BBX: variants seen among roughly 807,000 people sequenced by gnomAD.
BBX encodes HMG box transcription factor BBX.
Under a neutral mutation model 100.2 loss-of-function variants are expected in BBX, and 30 were observed. That is an observed-to-expected ratio of 0.30 (90% CI 0.22 to 0.41). The LOEUF (loss-of-function observed/expected upper bound fraction) is 0.41, where lower values mean the gene tolerates loss of function less well. Ranked by LOEUF, BBX falls within the 10% of genes least tolerant of loss-of-function variation. BBX has a pLI of 1.00. For synonymous variants in BBX, 376 were observed against 388.1 expected, an observed-to-expected ratio of 0.97 and a Z score of 0.37; for missense variants, 1,023 against 1,129.8, an observed-to-expected ratio of 0.91 and a Z score of 1.35.
chr3:107,745,826 C>A (rs2064539957), intron 8 of BBX, among the ~76,000 whole-genome samples: 1 of 152,030 alleles, frequency 6.6e-6, no homozygotes, highest in Non-Finnish European at 1.5e-5. Context: ...AGCAGAACGG[C>A]TTAAGAGATG....
chr3:107,580,476 CAA>C (rs2052189330), intron 2 of BBX, among the ~76,000 whole-genome samples: 1 of 151,988 alleles, frequency 6.6e-6, no homozygotes, highest in Non-Finnish European at 1.5e-5. Flanking sequence ...GATTCCAAAA[CAA>C]AATTTCTATT....
At chr3:107,545,474 A>T (rs1310863076) in intron 2 of BBX, among the ~76,000 whole-genome samples, 1 of 152,186 alleles carries the variant, frequency 6.6e-6, no homozygotes, top group Non-Finnish European at 1.5e-5. Context: ...TAATTTTTGT[A>T]GGAGAGTAGT....
chr3:107,523,938 AG>A (rs2047551560), intron 1 of BBX, among the ~76,000 whole-genome samples: 1 of 126,964 alleles, frequency 7.9e-6, no homozygotes, highest in Non-Finnish European at 1.6e-5. Context: ...GAATAGGGGG[AG>A]AGGGGGAAGA....
intron 2 of BBX, among the ~76,000 whole-genome samples, chr3:107,538,308 G>A (rs997762256): frequency 3.3e-5 from 5 of 152,160 alleles, no homozygotes; most frequent in African/African-American, 4.8e-5. Context: ...TCACACATGA[G>A]CACAGAATTA....
At chr3:107,542,026 C>T (rs563822811) in intron 2 of BBX, among the ~76,000 whole-genome samples, 177 of 152,044 alleles carry the variant, frequency 1.2e-3, no homozygotes, top group African/African-American at 4.1e-3. Flanking sequence ...TTTGGCACTC[C>T]GTAGTAAAGG....
chr3:107,584,682 T>C lies in BBX; in HGVS notation c.-84+58284T>C, dbSNP rs1297993714. 1.0e-4 allele frequency among the ~76,000 whole-genome samples: 11 copies of C among 108,392 alleles called. No homozygotes were observed. In the South Asian group the frequency reaches 3.8e-3, roughly 37 times the overall value. 71.1% of individuals were successfully genotyped at this position (108,392 alleles called of 152,430 possible). A position where few individuals can be genotyped will look rare whatever the true frequency, so the allele number is the denominator to read the frequency against. ...TTTTTCCGTTGAAATCTTTTTTTTT[T>C]TTTTTTTTTTTTTTTTTTTTTTTTT... On this transcript the variant is annotated intron_variant, in intron 2 of 17. Transcript: ENST00000325805.
chr3:107,706,405 C>A (rs1020857019), intron 3 of BBX, among the ~76,000 whole-genome samples: 3 of 151,960 alleles, frequency 2.0e-5, no homozygotes, highest in Admixed American at 1.3e-4. Flanking sequence ...CAATGAATGT[C>A]AATTTAGGGT....
intron 2 of BBX, among the ~76,000 whole-genome samples, chr3:107,528,480 AT>A (rs2047929597): frequency 6.6e-6 from 1 of 152,228 alleles, no homozygotes; most frequent in Non-Finnish European, 1.5e-5. Flanking sequence ...TTTTTGAAAC[AT>A]TAAGAAAATG....
At chr3:107,710,419 T>G (rs766740901) in intron 3 of BBX, 33 bp from the exon 4 acceptor site, 8 of 1,525,340 alleles carry the variant, frequency 5.2e-6, no homozygotes, top group Non-Finnish European at 3.6e-6. Flanking sequence ...CTCTCCCTGT[T>G]TCCCTGTTTC....
chr3:107,530,469 T>TA (rs1300672093), intron 2 of BBX, among the ~76,000 whole-genome samples: 1 of 152,186 alleles, frequency 6.6e-6, no homozygotes, highest in Non-Finnish European at 1.5e-5. Flanking sequence ...TATGAAATCT[T>TA]AAAAAATTAA....
intron 2 of BBX, among the ~76,000 whole-genome samples, chr3:107,628,998 A>T (rs527330155): frequency 2.0e-5 from 3 of 152,164 alleles, no homozygotes; most frequent in Admixed American, 1.3e-4. Context: ...TTTCTTTGTA[A>T]TTGTGAAGTG....
chr3:107,588,288 G>T (rs2053017920), intron 2 of BBX, among the ~76,000 whole-genome samples: 1 of 151,414 alleles, frequency 6.6e-6, no homozygotes, highest in Non-Finnish European at 1.5e-5. Flanking sequence ...AGGAAGAAGT[G>T]ACTGACAGAC....
intron 10 of BBX, among the ~76,000 whole-genome samples, chr3:107,757,925 A>T (rs935455596): frequency 6.6e-6 from 1 of 152,206 alleles, no homozygotes; most frequent in Non-Finnish European, 1.5e-5. Context: ...AACTACTTCC[A>T]ATTTGGGCCA....
intron 2 of BBX, among the ~76,000 whole-genome samples, chr3:107,564,822 T>C (rs1263668068): frequency 6.6e-6 from 1 of 152,254 alleles, no homozygotes; most frequent in Admixed American, 6.5e-5. Flanking sequence ...ATTTTTTGGC[T>C]ATTCTTGAAT....
chr3:107,613,701 T>C (rs1322385160), intron 2 of BBX, among the ~76,000 whole-genome samples: 2 of 152,118 alleles, frequency 1.3e-5, no homozygotes, highest in East Asian at 3.9e-4. Flanking sequence ...TGCTTTTTGT[T>C]GTAGAATTTT....
At chr3:107,727,291 A>G (rs2063017549) in intron 5 of BBX, among the ~76,000 whole-genome samples, 1 of 151,826 alleles carries the variant, frequency 6.6e-6, no homozygotes, top group South Asian at 2.1e-4. Flanking sequence ...TCACCCTACC[A>G]TTTGTCACTT....
At chr3:107,786,334 A>T (rs2068421914) in intron 13 of BBX, among the ~76,000 whole-genome samples, 1 of 152,158 alleles carries the variant, frequency 6.6e-6, no homozygotes, top group Non-Finnish European at 1.5e-5. Context: ...TTAATGTAGA[A>T]TTGCAAGATA....
chr3:107,738,306 A>G (rs1241167879), intron 7 of BBX, among the ~76,000 whole-genome samples: 1 of 152,128 alleles, frequency 6.6e-6, no homozygotes. Flanking sequence ...ATATGTAAGT[A>G]TTGTCTCTAG....
At chr3:107,706,471 T>C (rs1251411116) in intron 3 of BBX, among the ~76,000 whole-genome samples, 4 of 152,194 alleles carry the variant, frequency 2.6e-5, no homozygotes, top group Admixed American at 6.5e-5. Context: ...GGGTTGGTTT[T>C]TTTTTCACAA....
Sources: gnomAD v4.1 joint callset for allele counts (sites outside exome capture counted in the v4.1 genomes callset) on GRCh38, gnomAD v4.1.1 for gene constraint, MANE v1.5 for transcripts, NCBI Gene and HGNC (gene_info 2026-07-23, HGNC 2026-07-21) for gene names.